Variants in PARPBP observed in about 807,000 individuals in gnomAD.
PARPBP encodes PCNA-interacting partner.
In PARPBP, 52 loss-of-function variants were observed where a neutral mutation model predicts 50.0. The ratio of observed to expected loss-of-function variants is 1.04; its 90% CI spans 0.83 to 1.31. The LOEUF is 1.31. PARPBP is among the 50% of genes most tolerant of loss of function. The pLI is 0.00. For missense variants in PARPBP, 697 were observed against 672.0 expected (o/e 1.04, Z -0.41); for synonymous variants, 244 against 232.1 (o/e 1.05, Z -0.47).
chr12:102,155,968 G>A (rs1023249468), intron 4 of PARPBP, among the ~76,000 whole-genome samples: 7 of 152,026 alleles, frequency 4.6e-5, no homozygotes, highest in African/African-American at 9.7e-5. Flanking sequence ...GTTCTCTTCC[G>A]TGACCCACGG....
In PARPBP at chr12:102,195,382, A is replaced by G; in HGVS notation, c.1334A>G (p.Asn445Ser). The change falls in exon 10 of 11, where the codon AAT (asparagine) becomes AGT (serine). Residue 445 changes from asparagine (N) to serine (S), a missense_variant. Coordinates refer to ENST00000327680, the MANE Select transcript of PARPBP (RefSeq NM_017915.5). ...GATGACTACATGATAAGCAAGGATA[A>G]TTGGAATAATGTTAATTTAGCATCA... is the stretch of plus-strand genomic sequence containing the variant. ...YKDDYMISKD[N>S]WNNVNLASKP... 6.3e-7 allele frequency: 1 copy of G among 1,591,422 alleles called. No individual in the cohort carries two copies. The highest frequency in any genetic ancestry group is 2.3e-5 in the East Asian group (1 of 44,204).
chr12:102,185,181 C>T (rs1890194520), intron 9 of PARPBP, among the ~76,000 whole-genome samples: 5 of 152,086 alleles, frequency 3.3e-5, no homozygotes, highest in Admixed American at 3.3e-4. Context: ...CTTTTATTTC[C>T]TACTGTAGTG....
intron 3 of PARPBP, among the ~76,000 whole-genome samples, chr12:102,152,331 T>C (rs1347655893): frequency 1.3e-5 from 2 of 148,368 alleles, no homozygotes; most frequent in Non-Finnish European, 3.0e-5. Flanking sequence ...GGGTGGAAAG[T>C]ATTCCAGATC....
chr12:102,166,198 T>C (rs1221297019), intron 6 of PARPBP, among the ~76,000 whole-genome samples: 2 of 152,186 alleles, frequency 1.3e-5, no homozygotes, highest in Non-Finnish European at 2.9e-5. Flanking sequence ...TTTCTGTATA[T>C]TTTTTATTTA....
At chr12:102,185,079 A>G (rs1407090818) in intron 9 of PARPBP, among the ~76,000 whole-genome samples, 1 of 152,202 alleles carries the variant, frequency 6.6e-6, no homozygotes, top group African/African-American at 2.4e-5. Flanking sequence ...TAGTTTCCTC[A>G]TTCTTAAATA....
chr12:102,144,199 T>C (rs181153854), intron 2 of PARPBP, among the ~76,000 whole-genome samples: 138 of 152,298 alleles, frequency 9.1e-4, no homozygotes, highest in Non-Finnish European at 1.5e-3. Flanking sequence ...GTCTAGTCAA[T>C]TAAAAATGTA....
chr12:102,130,509 C>A (rs1490417977), intron 2 of PARPBP, among the ~76,000 whole-genome samples: 1 of 151,926 alleles, frequency 6.6e-6, no homozygotes, highest in African/African-American at 2.4e-5. Flanking sequence ...GGTCTGATAT[C>A]TAGTATCTAT....
Position 102,196,026 on chromosome 12 carries a change from A to G in PARPBP, c.1475A>G (p.Asn492Ser). The change falls in exon 11 of 11, where the codon AAT (asparagine) becomes AGT (serine). Residue 492 changes from asparagine (N) to serine (S), a missense_variant. Asn to Ser is a conservative substitution (Grantham distance 46). Transcript: ENST00000327680. Reference protein sequence around the residue: ...FGNVHLDRSKNEKVSRKSTSQ... With the variant: ...FGNVHLDRSKSEKVSRKSTSQ... ...AATGTTCATCTGGACAGAAGTAAAA[A>G]TGAAAAAGTATCAAGAAAATCAACC... The G allele has an allele frequency of 6.2e-7, 1 of 1,611,504 alleles. No homozygotes were observed. Among genetic ancestry groups the G allele is most frequent in the East Asian group, 2.2e-5 (1 of 44,744 alleles).
chr12:102,171,955 TCAA>T (rs1488903204), intron 6 of PARPBP, among the ~76,000 whole-genome samples: 2 of 152,228 alleles, frequency 1.3e-5, no homozygotes, highest in East Asian at 1.9e-4. Flanking sequence ...AAAATTTACT[TCAA>T]CAAATAGTTA....
intron 4 of PARPBP, among the ~76,000 whole-genome samples, chr12:102,157,231 C>T (rs1195435990): frequency 2.0e-5 from 3 of 152,108 alleles, no homozygotes; most frequent in African/African-American, 4.8e-5. Context: ...GATATTTTTT[C>T]TGTCCTATTT....
rs574306670 is a variant in PARPBP, at chr12:102,180,552, G to A, written c.1184+1782G>A. ...ACTCTATCTCTGCAAAAATAAAAAA[G>A]AATTACCCAGTGTGGTGGTGCATGC... On this transcript the variant is annotated intron_variant, in intron 8 of 10. Coordinates refer to ENST00000327680, the MANE Select transcript of PARPBP (RefSeq NM_017915.5). Among the ~76,000 whole-genome samples the A allele has an allele frequency of 2.6e-5, 4 of 152,194 alleles. No homozygotes were observed. In the South Asian group the frequency reaches 8.3e-4, roughly 32 times the overall value.
At chr12:102,168,721 G>A (rs1161055823) in intron 6 of PARPBP, among the ~76,000 whole-genome samples, 3 of 152,144 alleles carry the variant, frequency 2.0e-5, no homozygotes, top group Non-Finnish European at 2.9e-5. Flanking sequence ...TTTGAAGGAT[G>A]AACTTGAAGG....
chr12:102,134,142 AC>A (rs533719173), intron 2 of PARPBP, among the ~76,000 whole-genome samples: 6 of 151,950 alleles, frequency 3.9e-5, no homozygotes, highest in South Asian at 2.1e-4. Flanking sequence ...GACTAAAAAA[AC>A]AATAGCAAAG....
chr12:102,180,205 C>G (rs1565898311), intron 8 of PARPBP, among the ~76,000 whole-genome samples: 1 of 152,156 alleles, frequency 6.6e-6, no homozygotes, highest in Non-Finnish European at 1.5e-5. Context: ...ATACCTGCTG[C>G]TGGGATCCCA....
intron 9 of PARPBP, among the ~76,000 whole-genome samples, chr12:102,187,406 A>G (rs2137179761): frequency 6.6e-6 from 1 of 152,286 alleles, no homozygotes; most frequent in East Asian, 1.9e-4. Flanking sequence ...TGGAAGAGGA[A>G]TATAGACAAA....
intron 2 of PARPBP, among the ~76,000 whole-genome samples, chr12:102,140,099 A>G (rs1466835501): frequency 6.6e-6 from 1 of 151,982 alleles, no homozygotes; most frequent in Non-Finnish European, 1.5e-5. Flanking sequence ...TTTAGCTGTG[A>G]ATCCATCTGG....
intron 6 of PARPBP, among the ~76,000 whole-genome samples, chr12:102,171,216 T>A (rs1168609411): frequency 6.6e-6 from 1 of 151,484 alleles, no homozygotes; most frequent in Non-Finnish European, 1.5e-5. Context: ...AGCAAACACA[T>A]AAACCAGTAA....
chr12:102,125,908 C>G (rs537285134), intron 2 of PARPBP, among the ~76,000 whole-genome samples: 1 of 152,288 alleles, frequency 6.6e-6, no homozygotes, highest in South Asian at 2.1e-4. Flanking sequence ...TTTTTACCCT[C>G]TCCAGGGAAT....
In PARPBP at chr12:102,155,594, T is replaced by TGGAG. The variant is rs1555216732; in HGVS notation, c.495+1620_495+1621insAGGG. On this transcript the variant is annotated intron_variant, in intron 4 of 10. Coordinates refer to ENST00000327680, the MANE Select transcript of PARPBP (RefSeq NM_017915.5). Reference sequence around the variant, plus strand: ...AATCATCTATCGCCTGAGAGCATGGTGGGGGGGGGGGGCGGGGACAATGAT... The same window carrying TGGAG: ...AATCATCTATCGCCTGAGAGCATGGTGGAGGGGGGGGGGGGGCGGGGACAATGAT... Among the ~76,000 whole-genome samples the TGGAG allele has an allele frequency of 1.1e-3, 44 of 40,518 alleles. 3 individuals carry two copies. In the East Asian group the frequency reaches 0.02, roughly 18 times the overall value. The allele number at this position is 40,518 out of a possible 152,430, so 26.6% of individuals were successfully genotyped here.
Sources: allele counts gnomAD v4.1 joint callset (sites outside exome capture counted in the v4.1 genomes callset), GRCh38; gene constraint gnomAD v4.1.1; transcripts MANE v1.5; gene names NCBI Gene and HGNC (gene_info 2026-07-23, HGNC 2026-07-21).